Variants in MAN1A1 observed in about 807,000 individuals in gnomAD.
The protein encoded by MAN1A1 is mannosidase alpha class 1A member 1, also known as mannosyl-oligosaccharide 1,2-alpha-mannosidase IA.
A neutral mutation model predicts 70.8 loss-of-function variants in MAN1A1; 29 were observed. The observed-to-expected ratio is 0.41, with a 90% confidence interval of 0.31 to 0.56. The LOEUF (loss-of-function observed/expected upper bound fraction) is 0.56, where lower values mean the gene tolerates loss of function less well. MAN1A1 is among the 20% of genes least tolerant of loss of function. MAN1A1 has a pLI of 0.29. For missense variants in MAN1A1, 747 were observed against 841.3 expected (o/e 0.89, Z 1.39); for synonymous variants, 349 against 330.1 (o/e 1.06, Z -0.62).
chr6:119,208,052 C>T (rs1773930384), intron 6 of MAN1A1, among the ~76,000 whole-genome samples: 1 of 151,964 alleles, frequency 6.6e-6, no homozygotes, highest in African/African-American at 2.4e-5. Flanking sequence ...ACCATTAGTT[C>T]CATAAGACAG....
At chr6:119,343,420 G>A (rs762594979) in intron 2 of MAN1A1, among the ~76,000 whole-genome samples, 1 of 152,108 alleles carries the variant, frequency 6.6e-6, no homozygotes, top group African/African-American at 2.4e-5. Flanking sequence ...AAATGAATGA[G>A]CTACCTCTCA....
intron 2 of MAN1A1, among the ~76,000 whole-genome samples, chr6:119,314,898 C>T (rs1772809401): frequency 1.3e-5 from 2 of 152,142 alleles, no homozygotes; most frequent in Non-Finnish European, 2.9e-5. Flanking sequence ...CTGTATGCTA[C>T]TGGGGCAGAC....
At chr6:119,286,211 A>G (rs1399568034) in intron 5 of MAN1A1, among the ~76,000 whole-genome samples, 1 of 152,136 alleles carries the variant, frequency 6.6e-6, no homozygotes, top group African/African-American at 2.4e-5. Flanking sequence ...ATTGAGTTTG[A>G]AAGGTAACCA....
At chr6:119,234,018 T>C (rs1258613083) in intron 6 of MAN1A1, among the ~76,000 whole-genome samples, 1 of 152,216 alleles carries the variant, frequency 6.6e-6, no homozygotes, top group Non-Finnish European at 1.5e-5. Context: ...GAGTTGTCAT[T>C]TCACAAAATA....
rs1773053710 is a variant in MAN1A1, at chr6:119,178,238, A to C, written c.*1581T>G. On this transcript the variant is annotated 3_prime_UTR_variant, in exon 13 of 13. Transcript: ENST00000368468. ...TTCAAAAGCTAAAATAACTAAAACTATTAAGCCTATTGATAGCTAAGAAAA... is the reference window on the plus strand; with the variant it reads ...TTCAAAAGCTAAAATAACTAAAACTCTTAAGCCTATTGATAGCTAAGAAAA... 1 of 152,150 alleles carries C rather than the reference A, an allele frequency of 6.6e-6. No homozygotes were observed. Among genetic ancestry groups the C allele is most frequent in the Non-Finnish European group, 1.5e-5 (1 of 67,962 alleles). The allele number at this position is 152,150 out of a possible 1,614,324, so 9.4% of individuals were successfully genotyped here. A position where few individuals can be genotyped will look rare whatever the true frequency, so the allele number is the denominator to read the frequency against.
chr6:119,179,832 A>T lies in MAN1A1; in HGVS notation c.1949T>A (p.Ile650Asn), dbSNP rs770344175. 6.2e-7 allele frequency: 1 copy of T among 1,612,512 alleles called. No individual in the cohort carries two copies. Among genetic ancestry groups the T allele is most frequent in the East Asian group, 2.2e-5 (1 of 44,836 alleles). Residue 650 changes from isoleucine (I) to asparagine (N), a missense_variant, in exon 13 of 13, where the codon ATC becomes AAC. Transcript: ENST00000368468. ...ILPKDKKEVE[I>N]REE ...TAAAATGTCTTTTTATTCCTCTCTG[A>T]TTTCAACTTCCTTTTTATCTTTAGG...
chr6:119,237,338 T>G (rs981714980), intron 6 of MAN1A1, among the ~76,000 whole-genome samples: 8 of 152,108 alleles, frequency 5.3e-5, no homozygotes, highest in Middle Eastern at 3.2e-3. Context: ...AGGGAAGAAT[T>G]AAAGCAGTAA....
chr6:119,246,454 A>C (rs1296107847), intron 6 of MAN1A1, among the ~76,000 whole-genome samples: 2 of 152,166 alleles, frequency 1.3e-5, no homozygotes, highest in Non-Finnish European at 2.9e-5. Context: ...GTGAACCCCA[A>C]AATGTTCACA....
In MAN1A1 at chr6:119,246,564, A is replaced by G. The variant is rs540041908; in HGVS notation, c.992+1696T>C. ...ACCTCGAGTAGCTGTAAAGACCTAG[A>G]TTCAGGTCTTTTGATAACCAATTAG... On this transcript the variant is annotated intron_variant, in intron 6 of 12. Coordinates refer to ENST00000368468, the MANE Select transcript of MAN1A1 (RefSeq NM_005907.4). 2.0e-5 allele frequency among the ~76,000 whole-genome samples: 3 copies of G among 152,244 alleles called. No individual in the cohort carries two copies. The East Asian group carries it at 5.8e-4, about 29-fold the overall frequency.
intron 5 of MAN1A1, among the ~76,000 whole-genome samples, chr6:119,254,292 C>T (rs893717004): frequency 6.6e-6 from 1 of 152,224 alleles, no homozygotes; most frequent in Non-Finnish European, 1.5e-5. Context: ...GGTCCTTGGA[C>T]TGGCTGTACT....
chr6:119,186,195 A>T (rs1773287545), intron 11 of MAN1A1, among the ~76,000 whole-genome samples: 1 of 152,160 alleles, frequency 6.6e-6, no homozygotes. Context: ...TTATTAGGTG[A>T]TACATTCCCC....
At chr6:119,349,344 G>A in intron 1 of MAN1A1, 57 bp from the exon 2 acceptor site, 1 of 1,114,634 alleles carries the variant, frequency 9.0e-7, no homozygotes, top group Non-Finnish European at 1.1e-6. Flanking sequence ...AGTTTCCAGC[G>A]GGTCTCCGCC....
At chr6:119,319,271 T>C (rs1772937243) in intron 2 of MAN1A1, among the ~76,000 whole-genome samples, 1 of 151,916 alleles carries the variant, frequency 6.6e-6, no homozygotes, top group Non-Finnish European at 1.5e-5. Context: ...TGGCAAATAT[T>C]TCCTGGGCCT....
intron 5 of MAN1A1, among the ~76,000 whole-genome samples, chr6:119,261,289 T>C (rs1162331740): frequency 6.6e-6 from 1 of 152,192 alleles, no homozygotes; most frequent in Non-Finnish European, 1.5e-5. Flanking sequence ...TATTGCTTTT[T>C]AAAGCTATTG....
chr6:119,330,942 T>C (rs779922577), intron 2 of MAN1A1, among the ~76,000 whole-genome samples: 1 of 152,198 alleles, frequency 6.6e-6, no homozygotes, highest in African/African-American at 2.4e-5. Flanking sequence ...CTCCTTACTC[T>C]CTACCCCTTT....
At chr6:119,249,934 G>C (rs1775272540) in intron 5 of MAN1A1, among the ~76,000 whole-genome samples, 1 of 152,102 alleles carries the variant, frequency 6.6e-6, no homozygotes, top group Non-Finnish European at 1.5e-5. Flanking sequence ...TAGATAAATT[G>C]ACATTCCTTG....
rs576667831 is a variant in MAN1A1, at chr6:119,214,711, A to G, written c.993-9829T>C. ...GGTATAGACGGGGTTTCACCATGTT[A>G]CCCAGGCTGGTCTCCAACTTGTGAG... On this transcript the variant is annotated intron_variant, in intron 6 of 12. Transcript: ENST00000368468. Among the ~76,000 whole-genome samples the G allele has an allele frequency of 4.0e-5, 6 of 151,712 alleles. No individual in the cohort carries two copies. The South Asian group carries it at 1.3e-3, about 32-fold the overall frequency.
chr6:119,278,482 G>A (rs1370231356), intron 5 of MAN1A1, among the ~76,000 whole-genome samples: 2 of 151,796 alleles, frequency 1.3e-5, no homozygotes. Context: ...ATTTTAGTAT[G>A]GATTTATGAA....
At chr6:119,220,489 G>A (rs1238356318) in intron 6 of MAN1A1, among the ~76,000 whole-genome samples, 1 of 152,048 alleles carries the variant, frequency 6.6e-6, no homozygotes, top group African/African-American at 2.4e-5. Context: ...TAAACTTCTA[G>A]CCCTTCATAC....
Sources: gnomAD v4.1 joint callset for allele counts (sites outside exome capture counted in the v4.1 genomes callset) on GRCh38, gnomAD v4.1.1 for gene constraint, MANE v1.5 for transcripts, NCBI Gene and HGNC (gene_info 2026-07-23, HGNC 2026-07-21) for gene names.